Variants in TRIM14 observed in about 807,000 individuals in gnomAD.
TRIM14 encodes the protein tripartite motif containing 14.
Under a neutral mutation model 44.5 loss-of-function variants are expected in TRIM14, and 28 were observed. The observed-to-expected ratio is 0.63, with a 90% CI of 0.47 to 0.86. The LOEUF is 0.86. Ranked by LOEUF, TRIM14 falls within the 40% of genes least tolerant of loss-of-function variation. The probability of loss-of-function intolerance (pLI) is 0.00; values close to 1 mark genes in which losing one functional copy is unlikely to be tolerated. For missense variants in TRIM14, 607 were observed against 611.1 expected (o/e 0.99, Z 0.07); for synonymous variants, 299 against 269.2 (o/e 1.11, Z -1.08).
rs1276659374 is a variant in TRIM14, at chr9:98,087,165, G to A, written c.*305C>T. On this transcript the variant is annotated 3_prime_UTR_variant, in exon 6 of 6. Coordinates refer to ENST00000341469, the MANE Select transcript of TRIM14 (RefSeq NM_014788.4). ...AGGCTGCGGATGATGTATTCAGGATGCTGAGGGCTTACCTGTGGGGGTATC... is the reference window on the plus strand; with the variant it reads ...AGGCTGCGGATGATGTATTCAGGATACTGAGGGCTTACCTGTGGGGGTATC... 9 of 662,768 alleles carry A rather than the reference G, an allele frequency of 1.4e-5. No homozygotes were observed. Among genetic ancestry groups the A allele is most frequent in the Admixed American group, 1.1e-4 (6 of 52,340 alleles). 41.1% of individuals were successfully genotyped at this position (662,768 alleles called of 1,614,324 possible). A position where few individuals can be genotyped will look rare whatever the true frequency, so the allele number is the denominator to read the frequency against.
chr9:98,092,704 G>A (rs1415737489), intron 4 of TRIM14, among the ~76,000 whole-genome samples: 1 of 152,240 alleles, frequency 6.6e-6, no homozygotes, highest in Admixed American at 6.5e-5. Flanking sequence ...CTGCACTTGT[G>A]CCAATCACCA....
At position 98,109,991 on chromosome 9, in the gene TRIM14, A is replaced by C. The variant is rs1485431812; in HGVS notation, c.208-7T>G. 1.9e-6 allele frequency: 3 copies of C among 1,612,590 alleles called. No individual in the cohort carries two copies. The highest frequency in any genetic ancestry group is 1.7e-5 in the Admixed American group (1 of 59,964). ...AACATTCTTGGCTGAGTTTCTGTAC[A>C]GGAGGGAGTTAGGAAAAAAGTCGTA... On this transcript the variant is annotated splice_polypyrimidine_tract_variant and splice_region_variant and intron_variant, in intron 1 of 5. Transcript: ENST00000341469.
chr9:98,039,531 G>T, the TRIM14 span, among the ~76,000 whole-genome samples: 1 of 152,134 alleles, frequency 6.6e-6, no homozygotes, highest in African/African-American at 2.4e-5. Context: ...TTAGACATAA[G>T]ATTAGAAATT....
Position 98,076,916 on chromosome 9 carries a change from A to G in TRIM14, c.*29-7229T>C. On this transcript the variant is annotated intron_variant, in intron 6 of 6. Coordinates refer to the TRIM14 transcript ENST00000375098. ...AAGGAGCTCCCTCTTTGATTTTTGT[A>G]GATGGCAGTTGAATTCCTGCATGAA... 6.2e-7 allele frequency: 1 copy of G among 1,608,164 alleles called. No homozygotes were observed. The highest frequency in any genetic ancestry group is 8.5e-7 in the Non-Finnish European group (1 of 1,177,206).
the TRIM14 span, chr9:98,057,032 G>A: frequency 1.4e-6 from 2 of 1,420,328 alleles, no homozygotes; most frequent in Non-Finnish European, 1.8e-6. Flanking sequence ...CTCCGCGGCT[G>A]GGTACCCTGG....
At chr9:98,117,276 T>TTTTA (rs55719181) in intron 1 of TRIM14, among the ~76,000 whole-genome samples, 36,981 of 147,498 alleles carry the variant, frequency 0.25, 4,958 homozygotes, top group East Asian at 0.44. Flanking sequence ...AGATTCTCTG[T>TTTTA]TTTATTTATT....
At chr9:98,059,884 A>G in the TRIM14 span, among the ~76,000 whole-genome samples, 3 of 152,212 alleles carry the variant, frequency 2.0e-5, no homozygotes, top group Admixed American at 6.5e-5. Context: ...GCGCCAGTGC[A>G]AAGCAGCTAA....
intron 6 of TRIM14, chr9:98,078,081 A>C: frequency 1.3e-6 from 2 of 1,482,734 alleles, no homozygotes; most frequent in Non-Finnish European, 1.8e-6. Context: ...CAGTGTTTTA[A>C]GAGATGTCTG....
intron 4 of TRIM14, chr9:98,092,385 C>T: frequency 4.6e-6 from 1 of 217,998 alleles, no homozygotes; most frequent in Non-Finnish European, 9.8e-6. Context: ...AGCAGGGGCA[C>T]CCAGGGCCCT....
chr9:98,038,033 C>T, the TRIM14 span, among the ~76,000 whole-genome samples: 1 of 151,764 alleles, frequency 6.6e-6, no homozygotes, highest in Non-Finnish European at 1.5e-5. Flanking sequence ...GCACCCGGCT[C>T]TTATTTTTAT....
the TRIM14 span, among the ~76,000 whole-genome samples, chr9:98,036,458 G>A: frequency 1.7e-4 from 23 of 137,820 alleles, no homozygotes; most frequent in African/African-American, 6.1e-4. Flanking sequence ...CCAAGATCAT[G>A]CCACTACACT....
chr9:98,080,546 G>A (rs1252268711), downstream of TRIM14, among the ~76,000 whole-genome samples: 4 of 152,198 alleles, frequency 2.6e-5, no homozygotes, highest in African/African-American at 9.6e-5. Flanking sequence ...TGTGCAATGT[G>A]AAACATTCTT....
rs987711232 is a variant in TRIM14 at position 98,085,405 on chromosome 9, C to G, written c.*2065G>C. ...TGTGTAGAATTGGGAAAACTTTCTA[C>G]CCTCTAGGGCTGATGAAAGGATCAG... On this transcript the variant is annotated 3_prime_UTR_variant, in exon 6 of 6. Coordinates refer to ENST00000341469, the MANE Select transcript of TRIM14 (RefSeq NM_014788.4). The G allele has an allele frequency of 1.3e-5, 2 of 152,202 alleles. No homozygotes were observed. Among genetic ancestry groups the G allele is most frequent in the African/African-American group, 4.8e-5 (2 of 41,418 alleles). The allele number at this position is 152,202 out of a possible 1,614,324, so 9.4% of individuals were successfully genotyped here.
downstream of TRIM14, among the ~76,000 whole-genome samples, chr9:98,083,492 A>T (rs1300932968): frequency 6.6e-6 from 1 of 152,092 alleles, no homozygotes; most frequent in Non-Finnish European, 1.5e-5. Flanking sequence ...TTTAGTTGGC[A>T]TTGTATAGCA....
the TRIM14 span, among the ~76,000 whole-genome samples, chr9:98,040,350 C>T: frequency 9.2e-5 from 14 of 152,204 alleles, no homozygotes; most frequent in African/African-American, 3.4e-4. Flanking sequence ...GGCCCCTGAT[C>T]CCCATGGCCA....
intron 5 of TRIM14, 149 bp from the exon 6 acceptor site, chr9:98,088,154 C>T: frequency 1.1e-6 from 1 of 873,174 alleles, no homozygotes; most frequent in Non-Finnish European, 1.6e-6. Flanking sequence ...TAAACCGCGA[C>T]TGCCCCTGGG....
the TRIM14 span, among the ~76,000 whole-genome samples, chr9:98,044,005 CTTTTTTT>C: frequency 1.6e-4 from 21 of 131,258 alleles, no homozygotes; most frequent in Middle Eastern, 3.7e-3. Context: ...TATTTGTTTC[CTTTTTTT>C]TTTTTTTTTT....
chr9:98,059,850 T>G, the TRIM14 span, among the ~76,000 whole-genome samples: 24 of 152,264 alleles, frequency 1.6e-4, no homozygotes, highest in Middle Eastern at 6.8e-3. Flanking sequence ...TGTAACCTGT[T>G]CAAAGAAAAT....
downstream of TRIM14, among the ~76,000 whole-genome samples, chr9:98,079,930 G>A (rs114647083): frequency 4.4e-3 from 665 of 152,292 alleles, 2 homozygotes; most frequent in African/African-American, 0.015. Flanking sequence ...AATCCCACCT[G>A]AGGCCAGACA....
Sources: gnomAD v4.1 joint callset for allele counts (sites outside exome capture counted in the v4.1 genomes callset) on GRCh38, gnomAD v4.1.1 for gene constraint, MANE v1.5 for transcripts, NCBI Gene and HGNC (gene_info 2026-07-23, HGNC 2026-07-21) for gene names.